Variants in CASR observed in about 807,000 individuals in gnomAD.
CASR encodes extracellular calcium-sensing receptor.
In CASR, 23 loss-of-function variants were observed where a neutral mutation model predicts 69.1. The ratio of observed to expected loss-of-function variants is 0.33; its 90% CI spans 0.24 to 0.47. The LOEUF is 0.47. Ranked by LOEUF, CASR falls within the 20% of genes least tolerant of loss-of-function variation. The probability of loss-of-function intolerance (pLI) is 1.00; values close to 1 mark genes in which losing one functional copy is unlikely to be tolerated. For missense variants in CASR, 924 were observed against 1,356.1 expected (o/e 0.68, Z 5.00); for synonymous variants, 541 against 544.7 (o/e 0.99, Z 0.10).
intron 1 of CASR, 126 bp from the exon 2 acceptor site, chr3:122,253,822 A>G: frequency 3.5e-6 from 1 of 281,878 alleles, no homozygotes; most frequent in Non-Finnish European, 6.9e-6. Flanking sequence ...ACTCCAAGCC[A>G]GGCCTTTTCA....
chr3:122,264,368 A>G (rs564012888), intron 4 of CASR, among the ~76,000 whole-genome samples: 3 of 152,330 alleles, frequency 2.0e-5, no homozygotes, highest in African/African-American at 7.2e-5. Context: ...GATATCCTGT[A>G]AAAGTTCCAG....
At position 122,285,301 on chromosome 3, in the gene CASR, A is replaced by G; in HGVS notation, c.*110A>G. The G allele has an allele frequency of 3.1e-6, 3 of 962,804 alleles. No homozygotes were observed. The highest frequency in any genetic ancestry group is 5.0e-6 in the Non-Finnish European group (3 of 602,968). The allele number at this position is 962,804 out of a possible 1,614,324, so 59.6% of individuals were successfully genotyped here. On this transcript the variant is annotated 3_prime_UTR_variant, in exon 7 of 7. Transcript: ENST00000639785. ...CTCTGAGGAAGAAGGGATAATAGAC[A>G]CATCAAATGCCCCGAATTTAGTCAC...
intron 5 of CASR, among the ~76,000 whole-genome samples, chr3:122,280,926 A>T (rs1361939619): frequency 1.3e-5 from 2 of 152,346 alleles, no homozygotes; most frequent in East Asian, 3.9e-4. Flanking sequence ...TCTAAGATAC[A>T]TATGCTGTTG....
At chr3:122,251,440 C>T (rs894448915) in intron 1 of CASR, among the ~76,000 whole-genome samples, 1 of 152,206 alleles carries the variant, frequency 6.6e-6, no homozygotes, top group Admixed American at 6.5e-5. Context: ...CTGTGTTCCA[C>T]TAAAGCTGTG....
rs904900340 is a variant in CASR, at chr3:122,238,982, G to A, written c.-242-14966G>A. On this transcript the variant is annotated intron_variant, in intron 1 of 6. Transcript: ENST00000639785. ...AGACTCAGACATGCTGGTTTCAGGT[G>A]TGACTTACTACCTTCCCAGCTGGGG... Among the ~76,000 whole-genome samples the A allele has an allele frequency of 6.6e-5, 10 of 152,228 alleles. 1 individual carries two copies. Among genetic ancestry groups the A allele is most frequent in the South Asian group, 4.1e-4 (2 of 4,830 alleles).
intron 4 of CASR, among the ~76,000 whole-genome samples, chr3:122,262,703 G>T (rs758705092): frequency 5.3e-5 from 8 of 152,196 alleles, no homozygotes; most frequent in Non-Finnish European, 1.0e-4. Context: ...AACAGATTTA[G>T]TAATGAGTGG....
At chr3:122,258,283 A>AT (rs1226723363) in intron 3 of CASR, among the ~76,000 whole-genome samples, 2 of 149,126 alleles carry the variant, frequency 1.3e-5, no homozygotes, top group South Asian at 2.1e-4. Flanking sequence ...CCTTAAATTT[A>AT]TTTTTTGAAT....
chr3:122,225,859 G>A (rs1054037297), intron 1 of CASR, among the ~76,000 whole-genome samples: 5 of 152,208 alleles, frequency 3.3e-5, no homozygotes, highest in African/African-American at 1.2e-4. Context: ...TAAAGAAAAT[G>A]TGGTACATAT....
At chr3:122,191,781 T>A (rs1501900) in intron 1 of CASR, among the ~76,000 whole-genome samples, 125,045 of 152,248 alleles carry the variant, frequency 0.82, 52,161 homozygotes, top group African/African-American at 0.91. Context: ...TAGCCAAAGG[T>A]TGTAATGGTT....
rs2074999314 is a variant in CASR, at chr3:122,290,076, C to A, written c.*4885C>A. On this transcript the variant is annotated 3_prime_UTR_variant, in exon 7 of 7. Coordinates refer to ENST00000639785, the MANE Select transcript of CASR (RefSeq NM_000388.4). ...CCAGCCTGGGTGACAGAGCAAGACC[C>A]TGCCAAAAAAAAAAAAAAAGAAGAA... The A allele has an allele frequency of 7.0e-6, 1 of 143,042 alleles. No individual in the cohort carries two copies. Among genetic ancestry groups the A allele is most frequent in the African/African-American group, 2.6e-5 (1 of 38,938 alleles). 8.9% of individuals were successfully genotyped at this position (143,042 alleles called of 1,614,324 possible).
At chr3:122,211,739 A>G (rs935805803) in intron 1 of CASR, among the ~76,000 whole-genome samples, 1 of 152,194 alleles carries the variant, frequency 6.6e-6, no homozygotes, top group Admixed American at 6.5e-5. Flanking sequence ...AAATAAAAAT[A>G]AAGTGGGCAA....
intron 1 of CASR, among the ~76,000 whole-genome samples, chr3:122,203,115 G>A (rs923319757): frequency 1.3e-5 from 2 of 152,192 alleles, no homozygotes; most frequent in African/African-American, 4.8e-5. Context: ...GGTATTGACT[G>A]TTTCCAGCTC....
intron 1 of CASR, among the ~76,000 whole-genome samples, chr3:122,223,489 T>C (rs1223705040): frequency 2.6e-5 from 4 of 152,204 alleles, no homozygotes; most frequent in Non-Finnish European, 5.9e-5. Context: ...CCTCTCAAGA[T>C]TGAAACAGGA....
At chr3:122,282,369 C>T (rs1436732149) in intron 6 of CASR, 133 bp downstream of exon 6, 2 of 882,748 alleles carry the variant, frequency 2.3e-6, no homozygotes, top group Non-Finnish European at 3.8e-6. Context: ...TATATCTGAG[C>T]ATCACAAAAT....
intron 1 of CASR, among the ~76,000 whole-genome samples, chr3:122,208,555 A>G (rs1484308901): frequency 1.3e-5 from 2 of 152,206 alleles, no homozygotes; most frequent in African/African-American, 4.8e-5. Flanking sequence ...GATTTTTGTC[A>G]GTAAATGTGG....
At chr3:122,231,367 C>T (rs531015457) in intron 1 of CASR, among the ~76,000 whole-genome samples, 11 of 152,310 alleles carry the variant, frequency 7.2e-5, no homozygotes, top group African/African-American at 2.2e-4. Context: ...TTAGTAAAGG[C>T]ACTGTTTGGG....
intron 1 of CASR, among the ~76,000 whole-genome samples, chr3:122,201,837 C>T (rs111322266): frequency 1.8e-4 from 27 of 151,828 alleles, no homozygotes; most frequent in Admixed American, 5.9e-4. Context: ...CGGGCAGAGA[C>T]GCTCCTCACT....
intron 1 of CASR, among the ~76,000 whole-genome samples, chr3:122,186,010 C>T: frequency 6.6e-6 from 1 of 151,836 alleles, no homozygotes; most frequent in East Asian, 1.9e-4. Context: ...CAGCTCTGTT[C>T]CAAGACTTCT....
chr3:122,266,820 T>C (rs1008131276), intron 4 of CASR, among the ~76,000 whole-genome samples: 3 of 152,018 alleles, frequency 2.0e-5, no homozygotes, highest in Non-Finnish European at 4.4e-5. Context: ...CTGGGTAACG[T>C]GGTGAAACCC....
Sources: allele counts gnomAD v4.1 joint callset (sites outside exome capture counted in the v4.1 genomes callset), GRCh38; gene constraint gnomAD v4.1.1; transcripts MANE v1.5; gene names NCBI Gene and HGNC (gene_info 2026-07-23, HGNC 2026-07-21).